The following SGPP2 variants were observed in gnomAD, a reference collection of about 807,000 sequenced individuals.
SGPP2 encodes the protein sphingosine 1-phosphate phosphohydrolase 2.
In SGPP2, 30 loss-of-function variants were observed where a neutral mutation model predicts 33.9. That is an observed-to-expected ratio of 0.89 (90% CI 0.66 to 1.20). The LOEUF (loss-of-function observed/expected upper bound fraction) is 1.20. Among genes scored for constraint, SGPP2 ranks in the 50% most tolerant of loss-of-function variants. The probability of loss-of-function intolerance (pLI) is 0.00; values close to 1 mark genes in which losing one functional copy is unlikely to be tolerated. For synonymous variants in SGPP2, 233 were observed against 225.0 expected, an observed-to-expected ratio of 1.04 and a Z score of -0.32; for missense variants, 458 against 532.1, an observed-to-expected ratio of 0.86 and a Z score of 1.37.
In SGPP2 at chr2:222,463,675, C is replaced by T. The variant is rs114001019; in HGVS notation, c.220-10893C>T. 4.9e-3 allele frequency among the ~76,000 whole-genome samples: 753 copies of T among 152,220 alleles called. 8 individuals are homozygous for T. Among genetic ancestry groups the T allele is most frequent in the African/African-American group, 0.017 (702 of 41,520 alleles). On this transcript the variant is annotated intron_variant, in intron 1 of 4. Coordinates refer to ENST00000321276, the MANE Select transcript of SGPP2 (RefSeq NM_152386.4). Reference sequence around the variant, plus strand: ...AGCTAAAAATTGTGTGGCCATTTAGCCCAAATAAAGAGGGAAGTGGGAAAG... The same window carrying T: ...AGCTAAAAATTGTGTGGCCATTTAGTCCAAATAAAGAGGGAAGTGGGAAAG...
chr2:222,459,564 T>A (rs1697627579), intron 1 of SGPP2, among the ~76,000 whole-genome samples: 1 of 152,082 alleles, frequency 6.6e-6, no homozygotes, highest in South Asian at 2.1e-4. Flanking sequence ...AGTCCCATTA[T>A]AGCATAGAAA....
Position 222,465,929 on chromosome 2 carries a change from C to T in SGPP2, c.220-8639C>T, listed in dbSNP as rs1288266951. ...AATGGCTCCTCTGTGGCAAGCATCC[C>T]CAGACACACATTGATCACTTTGTAA... On this transcript the variant is annotated intron_variant, in intron 1 of 4. Coordinates refer to ENST00000321276, the MANE Select transcript of SGPP2 (RefSeq NM_152386.4). The surrounding 1 kb of genome is among the most constrained non-coding windows in gnomAD (Gnocchi z 4.1). Among the ~76,000 whole-genome samples the T allele has an allele frequency of 1.3e-5, 2 of 152,126 alleles. No homozygotes were observed. Among genetic ancestry groups the T allele is most frequent in the African/African-American group, 4.8e-5 (2 of 41,424 alleles).
intron 4 of SGPP2, among the ~76,000 whole-genome samples, chr2:222,547,965 C>T (rs1160152090): frequency 6.6e-6 from 1 of 152,100 alleles, no homozygotes; most frequent in Non-Finnish European, 1.5e-5. Flanking sequence ...TATGTATAGA[C>T]AATCTAATAA....
chr2:222,548,767 G>A (rs963972050), intron 4 of SGPP2, among the ~76,000 whole-genome samples: 4 of 152,148 alleles, frequency 2.6e-5, no homozygotes, highest in African/African-American at 9.7e-5. Context: ...ATTACATGTA[G>A]GTTTCTCTCC....
At chr2:222,439,483 G>T (rs1697293336) in intron 1 of SGPP2, among the ~76,000 whole-genome samples, 1 of 151,982 alleles carries the variant, frequency 6.6e-6, no homozygotes. Flanking sequence ...AGTGAGCTGA[G>T]ATCACACCAT....
chr2:222,486,178 G>A (rs1222409384), intron 2 of SGPP2, among the ~76,000 whole-genome samples: 1 of 152,102 alleles, frequency 6.6e-6, no homozygotes, highest in African/African-American at 2.4e-5. Context: ...CTATGCGGAA[G>A]CTGGGCCTTA....
At chr2:222,473,096 C>T (rs1333412330) in intron 1 of SGPP2, among the ~76,000 whole-genome samples, 1 of 152,176 alleles carries the variant, frequency 6.6e-6, no homozygotes, top group Non-Finnish European at 1.5e-5. Flanking sequence ...GGCCTACACC[C>T]AGGAGTGAGT....
At position 222,562,196 on chromosome 2, in the gene SGPP2, G is replaced by A. The variant is rs534234448; in HGVS notation, c.*3298G>A. ...CTCCAGGAGCCAGATAGAATGACAT[G>A]CCTTTTTCCTAATTGTCCACATTCC... On this transcript the variant is annotated 3_prime_UTR_variant, in exon 5 of 5. Coordinates refer to ENST00000321276, the MANE Select transcript of SGPP2 (RefSeq NM_152386.4). 6.6e-6 allele frequency among the ~76,000 whole-genome samples: 1 copy of A among 152,198 alleles called. No individual in the cohort carries two copies. Among genetic ancestry groups the A allele is most frequent in the Admixed American group, 6.5e-5 (1 of 15,286 alleles).
chr2:222,537,825 T>C (rs775006990), intron 4 of SGPP2, among the ~76,000 whole-genome samples: 14 of 152,240 alleles, frequency 9.2e-5, no homozygotes, highest in Non-Finnish European at 2.1e-4. Flanking sequence ...ATGAAATGAA[T>C]GGTATTATCA....
At chr2:222,532,212 TGCAGTGAGCCGAGATC>T (rs1698849323) in intron 4 of SGPP2, among the ~76,000 whole-genome samples, 1 of 151,632 alleles carries the variant, frequency 6.6e-6, no homozygotes, top group African/African-American at 2.4e-5. Flanking sequence ...AGGCGGAGTT[TGCAGTGAGCCGAGATC>T]GCGCCATTGC....
At chr2:222,487,633 G>T (rs1698131813) in intron 2 of SGPP2, among the ~76,000 whole-genome samples, 1 of 152,122 alleles carries the variant, frequency 6.6e-6, no homozygotes. Context: ...CCAAAGAAGA[G>T]ACCTGGAGTG....
intron 4 of SGPP2, among the ~76,000 whole-genome samples, chr2:222,531,350 G>T (rs1698836431): frequency 6.6e-6 from 1 of 152,170 alleles, no homozygotes; most frequent in Non-Finnish European, 1.5e-5. Flanking sequence ...CCTTAAAAGG[G>T]TGGGGAATTC....
intron 4 of SGPP2, among the ~76,000 whole-genome samples, chr2:222,549,448 A>C (rs1233643835): frequency 6.6e-6 from 1 of 152,258 alleles, no homozygotes; most frequent in Non-Finnish European, 1.5e-5. Flanking sequence ...CACTAAAAAA[A>C]GGAGTGTTTC....
rs140192517 is a variant in SGPP2, at chr2:222,525,023, A to G, written c.638A>G (p.His213Arg). 6.2e-7 allele frequency: 1 copy of G among 1,613,958 alleles called. No individual in the cohort carries two copies. Among genetic ancestry groups the G allele is most frequent in the African/African-American group, 1.3e-5 (1 of 75,034 alleles). ...VCLSRLYTGMHTVLDVLGGVL... is the reference protein window; with the variant it reads ...VCLSRLYTGMRTVLDVLGGVL... Reference sequence around the variant, plus strand: ...CTCAGCAGGCTCTACACTGGGATGCATACGGTCCTGGTAAGGCTTTGTGGT... The same window carrying G: ...CTCAGCAGGCTCTACACTGGGATGCGTACGGTCCTGGTAAGGCTTTGTGGT... Residue 213 changes from histidine (H) to arginine (R), a missense_variant, in exon 4 of 5, where the codon CAT becomes CGT. Coordinates refer to ENST00000321276, the MANE Select transcript of SGPP2 (RefSeq NM_152386.4).
At chr2:222,555,955 G>GA (rs1689391285) in intron 4 of SGPP2, among the ~76,000 whole-genome samples, 1 of 152,322 alleles carries the variant, frequency 6.6e-6, no homozygotes, top group Admixed American at 6.5e-5. Context: ...TATTCACTAT[G>GA]AAAGGAATTC....
At chr2:222,517,285 A>G (rs1698617969) in intron 2 of SGPP2, among the ~76,000 whole-genome samples, 1 of 152,108 alleles carries the variant, frequency 6.6e-6, no homozygotes, top group Non-Finnish European at 1.5e-5. Context: ...TAAACCCCAA[A>G]TCCCAGACTC....
chr2:222,437,026 G>A (rs1204984034), intron 1 of SGPP2, among the ~76,000 whole-genome samples: 4 of 152,128 alleles, frequency 2.6e-5, no homozygotes, highest in Non-Finnish European at 5.9e-5. Context: ...AGTGGCTGGG[G>A]AAAGAGGCTG....
At chr2:222,533,601 A>G (rs1258536458) in intron 4 of SGPP2, among the ~76,000 whole-genome samples, 2 of 152,178 alleles carry the variant, frequency 1.3e-5, no homozygotes, top group African/African-American at 4.8e-5. Flanking sequence ...TTACAGGGAA[A>G]TGTATTGATG....
intron 1 of SGPP2, among the ~76,000 whole-genome samples, chr2:222,442,255 T>C (rs377460300): frequency 1.4e-3 from 216 of 152,352 alleles, no homozygotes; most frequent in African/African-American, 5.1e-3. Flanking sequence ...GAATATCTCT[T>C]TTAATTGTTG....
Sources: allele counts gnomAD v4.1 joint callset (sites outside exome capture counted in the v4.1 genomes callset), GRCh38; gene constraint gnomAD v4.1.1; non-coding constraint Gnocchi (gnomAD v3.1); transcripts MANE v1.5; gene names NCBI Gene and HGNC (gene_info 2026-07-23, HGNC 2026-07-21).